The following ZNF236 variants were observed in gnomAD, a reference collection of about 807,000 sequenced individuals.
ZNF236 encodes the protein regulated by glucose.
In ZNF236, 50 loss-of-function variants were observed where a neutral mutation model predicts 191.2. That is an observed-to-expected ratio of 0.26 (90% CI 0.21 to 0.33). The LOEUF (loss-of-function observed/expected upper bound fraction) is 0.33. Ranked by LOEUF, ZNF236 falls within the 10% of genes least tolerant of loss-of-function variation. The pLI, the probability that ZNF236 is intolerant of heterozygous loss-of-function variation, is 1.00. For missense variants in ZNF236, 1,754 were observed against 2,374.5 expected, an observed-to-expected ratio of 0.74 and a Z score of 5.43; for synonymous variants, 907 against 928.8, an observed-to-expected ratio of 0.98 and a Z score of 0.43.
At chr18:76,901,430 C>A (rs886964911) in intron 11 of ZNF236, among the ~76,000 whole-genome samples, 1 of 152,246 alleles carries the variant, frequency 6.6e-6, no homozygotes, top group African/African-American at 2.4e-5. Context: ...AAATACACAA[C>A]AAATTGACAA....
chr18:76,939,519 C>T (rs1413472242), intron 26 of ZNF236, among the ~76,000 whole-genome samples: 2 of 152,126 alleles, frequency 1.3e-5, no homozygotes, highest in Non-Finnish European at 2.9e-5. Context: ...AGGCAGTGGG[C>T]AGGGGGAGGC....
intron 10 of ZNF236, among the ~76,000 whole-genome samples, chr18:76,896,606 CAG>C (rs1214027124): frequency 6.6e-6 from 1 of 150,922 alleles, no homozygotes; most frequent in East Asian, 2.0e-4. Context: ...CAGTACGAAA[CAG>C]TACTGCACAC....
intron 27 of ZNF236, among the ~76,000 whole-genome samples, chr18:76,952,124 C>T (rs757705068): frequency 3.3e-5 from 5 of 152,158 alleles, no homozygotes; most frequent in East Asian, 1.9e-4. Context: ...GACACACACA[C>T]GAACTGAGCA....
At chr18:76,877,594 C>G (rs1976753339) in intron 6 of ZNF236, among the ~76,000 whole-genome samples, 1 of 152,068 alleles carries the variant, frequency 6.6e-6, no homozygotes. Context: ...TTCCTAACCT[C>G]TGTGGTTTTG....
In ZNF236 at chr18:76,895,058, A is replaced by C. The variant is rs765085420; in HGVS notation, c.1463A>C (p.Tyr488Ser). The change falls in exon 10 of 31, where the codon TAC becomes TCC. Residue 488 changes from tyrosine (Y) to serine (S), a missense_variant. By Grantham distance (144) the Tyr-to-Ser change is moderately radical. Around this residue, in one of 5 missense-constraint regions of ZNF236, gnomAD observed 126 missense variants for 110.9 expected, o/e 1.14. Transcript: ENST00000320610. ...ENGVRWHVCP[Y>S]CAKEFRKPSD... ...GGCGTGCGCTGGCATGTGTGTCCCTACTGCGCCAAGGAGTTCCGCAAGCCC... is the reference window on the plus strand; with the variant it reads ...GGCGTGCGCTGGCATGTGTGTCCCTCCTGCGCCAAGGAGTTCCGCAAGCCC... The C allele has an allele frequency of 2.5e-6, 4 of 1,611,620 alleles. No homozygotes were observed.
rs541896047 is a variant in ZNF236, at chr18:76,875,097, CT to C, written c.668-393del. On this transcript the variant is annotated intron_variant, in intron 5 of 30. Transcript: ENST00000320610. The surrounding 1 kb of genome is among the most constrained non-coding windows in gnomAD (Gnocchi z 4.3). ...GGAGCTTTGAGTGATAGGGGAGTGC[CT>C]TACCCTGGGGTGGTGGTTGTGGACG... is the stretch of plus-strand genomic sequence containing the variant. Among the ~76,000 whole-genome samples the C allele has an allele frequency of 3.6e-4, 55 of 152,230 alleles. No individual in the cohort carries two copies. Among genetic ancestry groups the C allele is most frequent in the Middle Eastern group, 6.8e-3 (2 of 294 alleles).
At chr18:76,879,444 A>T (rs969934754) in intron 7 of ZNF236, among the ~76,000 whole-genome samples, 6 of 152,242 alleles carry the variant, frequency 3.9e-5, no homozygotes, top group African/African-American at 1.4e-4. Flanking sequence ...TATTATTATT[A>T]GTAACCAAAG....
intron 1 of ZNF236, among the ~76,000 whole-genome samples, chr18:76,833,253 G>A (rs1201569360): frequency 6.6e-6 from 1 of 152,040 alleles, no homozygotes; most frequent in East Asian, 1.9e-4. Context: ...GAATAAATGC[G>A]GTGAATAAGG....
intron 1 of ZNF236, among the ~76,000 whole-genome samples, chr18:76,828,941 T>C (rs1186986112): frequency 1.3e-5 from 2 of 151,744 alleles, no homozygotes; most frequent in Non-Finnish European, 3.0e-5. Flanking sequence ...TAGGATTACA[T>C]GTGTGAGCCA....
Position 76,910,123 on chromosome 18 carries a change from G to T in ZNF236, c.2607G>T (p.Glu869Asp), listed in dbSNP as rs1343847866. ...GAGGGCACGTAGACCAGTTTGAAGA[G>T]CAGAGCCCTGCGCAACAGTCCTTCG... Reference protein sequence around the residue: ...PLRGHVDQFEEQSPAQQSFEP... With the variant: ...PLRGHVDQFEDQSPAQQSFEP... The change falls in exon 15 of 31, where the codon GAG becomes GAT. Residue 869 changes from glutamate (E) to aspartate (D), a missense_variant. Physicochemically the swap from Glu to Asp is conservative, Grantham distance 45 (BLOSUM62 2). Transcript: ENST00000320610. The T allele has an allele frequency of 1.8e-5, 29 of 1,613,592 alleles. No homozygotes were observed. The highest frequency in any genetic ancestry group is 2.4e-5 in the Non-Finnish European group (28 of 1,179,662).
rs1003896792 is a variant in ZNF236 at position 76,960,980 on chromosome 18, T to G, written c.5419+125T>G. The G allele has an allele frequency of 1.9e-6, 2 of 1,053,932 alleles. No individual in the cohort carries two copies. The highest frequency in any genetic ancestry group is 2.7e-6 in the Non-Finnish European group (2 of 749,988). 65.3% of individuals were successfully genotyped at this position (1,053,932 alleles called of 1,614,324 possible). A position where few individuals can be genotyped will look rare whatever the true frequency, so the allele number is the denominator to read the frequency against. On this transcript the variant is annotated intron_variant, in intron 30 of 30. Transcript: ENST00000320610. This position sits in a 1 kb window ranked among gnomAD's most constrained non-coding sequence, Gnocchi z 4.4. ...ATTGCACGTGGTACAGCCTCAGTTG[T>G]GTGGACTGGAAGCTTGTGCTTTATT... is the stretch of plus-strand genomic sequence containing the variant.
chr18:76,936,152 G>A (rs1055393478), intron 25 of ZNF236: 3 of 173,424 alleles, frequency 1.7e-5, no homozygotes, highest in East Asian at 6.2e-4. Context: ...TGACAGGCGC[G>A]TGTTTCTTTT....
chr18:76,833,299 A>G (rs1027725067), intron 1 of ZNF236, among the ~76,000 whole-genome samples: 2 of 152,116 alleles, frequency 1.3e-5, no homozygotes, highest in African/African-American at 4.8e-5. Context: ...CAGGAGGAAA[A>G]TTATATTATT....
chr18:76,908,793 GA>G (rs1446607788), intron 14 of ZNF236, among the ~76,000 whole-genome samples: 1 of 151,494 alleles, frequency 6.6e-6, no homozygotes, highest in Admixed American at 6.6e-5. Flanking sequence ...GTTCTTTTTT[GA>G]AAAAACAAAA....
chr18:76,849,253 G>A, intron 1 of ZNF236: 1 of 330,610 alleles, frequency 3.0e-6, no homozygotes, highest in Non-Finnish European at 5.5e-6. Context: ...GTGTGTGGCT[G>A]TGAAGCCTCA....
At chr18:76,906,807 G>T (rs982146457) in intron 13 of ZNF236, among the ~76,000 whole-genome samples, 1 of 152,238 alleles carries the variant, frequency 6.6e-6, no homozygotes, top group South Asian at 2.1e-4. Flanking sequence ...CAGAGCTGCA[G>T]TGCTTTGCTT....
At chr18:76,944,712 G>T (rs1257777252) in intron 26 of ZNF236, among the ~76,000 whole-genome samples, 1 of 152,168 alleles carries the variant, frequency 6.6e-6, no homozygotes, top group Non-Finnish European at 1.5e-5. Context: ...AACTCAGGAG[G>T]TGGAGGTTGC....
At chr18:76,899,934 A>G (rs949898033) in intron 11 of ZNF236, among the ~76,000 whole-genome samples, 6 of 152,196 alleles carry the variant, frequency 3.9e-5, no homozygotes, top group African/African-American at 1.2e-4. Flanking sequence ...TTGAGTGTCT[A>G]GTGAGGTCTC....
In ZNF236 at chr18:76,972,711, G is replaced by T. The variant is rs1221845660; in HGVS notation, c.*4372G>T. Reference sequence around the variant, plus strand: ...GATTTGTTCTTGATTCACCACTAAAGAAAATTTTTAAAGTTAATTTTTTTT... The same window carrying T: ...GATTTGTTCTTGATTCACCACTAAATAAAATTTTTAAAGTTAATTTTTTTT... On this transcript the variant is annotated 3_prime_UTR_variant, in exon 31 of 31. Transcript: ENST00000320610. Among the ~76,000 whole-genome samples the T allele has an allele frequency of 4.0e-5, 6 of 151,620 alleles. No homozygotes were observed. Among genetic ancestry groups the T allele is most frequent in the Admixed American group, 1.3e-4 (2 of 15,250 alleles).
Sources: gnomAD v4.1 joint callset for allele counts (sites outside exome capture counted in the v4.1 genomes callset) on GRCh38, gnomAD v4.1.1 for gene constraint, gnomAD v4.1.1 regional missense constraint, Gnocchi (gnomAD v3.1) non-coding constraint, MANE v1.5 for transcripts, NCBI Gene and HGNC (gene_info 2026-07-23, HGNC 2026-07-21) for gene names.